VWF: variants seen among roughly 807,000 people sequenced by gnomAD.
VWF encodes Factor VIII related antigen.
Under a neutral mutation model 308.6 loss-of-function variants are expected in VWF, and 176 were observed. That is an observed-to-expected ratio of 0.57 (90% confidence interval 0.50 to 0.65). The LOEUF (loss-of-function observed/expected upper bound fraction) is 0.65. VWF is among the 30% of genes least tolerant of loss of function. VWF has a pLI of 0.00. For missense variants in VWF, 3,146 were observed against 3,648.2 expected (o/e 0.86, Z 3.55); for synonymous variants, 1,385 against 1,443.4 (o/e 0.96, Z 0.92).
At chr12:6,025,873 T>C (rs1775073360) in intron 23 of VWF, 33 bp downstream of exon 23, 4 of 1,613,762 alleles carry the variant, frequency 2.5e-6, no homozygotes, top group East Asian at 2.2e-5. Flanking sequence ...AAGCAAGCTC[T>C]AGGGCTCTGT....
At chr12:6,070,517 A>G (rs943939305) in intron 10 of VWF, among the ~76,000 whole-genome samples, 1 of 152,238 alleles carries the variant, frequency 6.6e-6, no homozygotes, top group Admixed American at 6.5e-5. Flanking sequence ...ACTTTGGGCA[A>G]GTCATTTAAC....
intron 6 of VWF, among the ~76,000 whole-genome samples, chr12:6,079,470 C>T (rs1323427212): frequency 1.3e-5 from 2 of 152,066 alleles, no homozygotes; most frequent in Non-Finnish European, 2.9e-5. Flanking sequence ...ATTAGCCGGG[C>T]ATGGTGGCGG....
chr12:6,109,648 T>A (rs549725949), intron 5 of VWF, among the ~76,000 whole-genome samples: 7 of 152,126 alleles, frequency 4.6e-5, no homozygotes, highest in Non-Finnish European at 1.0e-4. Flanking sequence ...ATATTCATCT[T>A]TAGTGTTTTC....
At chr12:6,057,480 T>TTTTTTATTATTA (rs1555198325) in intron 14 of VWF, among the ~76,000 whole-genome samples, 1 of 129,576 alleles carries the variant, frequency 7.7e-6, no homozygotes, top group South Asian at 2.6e-4. Flanking sequence ...GCCCGGCAAA[T>TTTTTTATTATTA]TTATTATTAT....
chr12:5,968,178 G>A lies in VWF; in HGVS notation c.7730-11C>T. 1 of 1,613,978 alleles carries A rather than the reference G, an allele frequency of 6.2e-7. No individual in the cohort carries two copies. Among genetic ancestry groups the A allele is most frequent in the Non-Finnish European group, 8.5e-7 (1 of 1,179,954 alleles). The stretch of plus-strand genomic sequence containing the variant: ...AGGCCTCCATGCGCTCTGGGGGAGA[G>A]AAAAGTGCAGAGTGAGAGTGGGCAA... On this transcript the variant is annotated splice_polypyrimidine_tract_variant and intron_variant, in intron 45 of 51. Transcript: ENST00000261405.
intron 6 of VWF, among the ~76,000 whole-genome samples, chr12:6,078,534 C>G (rs1318586820): frequency 6.6e-6 from 1 of 152,196 alleles, no homozygotes. Context: ...AGGCTATTGT[C>G]TAGCCTTTTC....
chr12:6,033,103 G>T (rs1431815943), intron 20 of VWF, among the ~76,000 whole-genome samples: 1 of 152,230 alleles, frequency 6.6e-6, no homozygotes, highest in Non-Finnish European at 1.5e-5. Flanking sequence ...TGACCTCTAA[G>T]ATTCCATTCA....
rs376943868 is a variant in VWF at position 6,018,619 on chromosome 12, G to A, written c.4799C>T (p.Ala1600Val). Residue 1600 changes from alanine to valine, a missense_variant, in exon 28 of 52, where the codon GCG becomes GTG. Physicochemically the swap from Ala to Val is moderately conservative, Grantham distance 64. Coordinates refer to ENST00000261405, the MANE Select transcript of VWF (RefSeq NM_000552.5). ...FLVSQGDREQ[A>V]PNLVYMVTGN... ...GGTGACCATGTAGACCAGGTTGGGC[G>A]CCTGCTCCCGGTCACCCTGGCTGAC... 14 of 1,613,952 alleles carry A rather than the reference G, an allele frequency of 8.7e-6. No individual in the cohort carries two copies. Among genetic ancestry groups the A allele is most frequent in the African/African-American group, 2.7e-5 (2 of 74,922 alleles).
intron 10 of VWF, 49 bp downstream of exon 10, chr12:6,071,248 C>T (rs754163390): frequency 1.2e-6 from 2 of 1,609,232 alleles, no homozygotes; most frequent in South Asian, 1.1e-5. Flanking sequence ...GGAGGAGACG[C>T]CTCCCCGATT....
In VWF at chr12:6,055,761, TACACACACACAC is replaced by T. The variant is rs35414262; in HGVS notation, c.1945+1084_1945+1095del. On this transcript the variant is annotated intron_variant, in intron 15 of 51. Transcript: ENST00000261405. ...TCTACTTTATATATATATATATGTA[TACACACACACAC>T]ACACACACACACACACACACACACA... 3.3e-4 allele frequency among the ~76,000 whole-genome samples: 45 copies of T among 135,346 alleles called. No homozygotes were observed. The East Asian group carries it at 4.9e-3, about 15-fold the overall frequency. The allele number at this position is 135,346 out of a possible 152,430, so 88.8% of individuals were successfully genotyped here.
intron 5 of VWF, among the ~76,000 whole-genome samples, chr12:6,106,158 G>A (rs1945241322): frequency 6.6e-6 from 1 of 152,162 alleles, no homozygotes; most frequent in African/African-American, 2.4e-5. Context: ...GTCTACTGAT[G>A]GATAAATGGA....
intron 34 of VWF, among the ~76,000 whole-genome samples, chr12:6,004,614 T>C (rs1475059582): frequency 1.3e-5 from 2 of 151,870 alleles, no homozygotes; most frequent in Admixed American, 6.6e-5. Flanking sequence ...CAAACCATCA[T>C]ACCCAGAAAA....
chr12:6,036,569 G>A (rs71582864), intron 18 of VWF, 78 bp from the exon 19 acceptor site: 49 of 1,377,074 alleles, frequency 3.6e-5, no homozygotes, highest in Admixed American at 5.4e-5. Flanking sequence ...TCCAGGAAGT[G>A]TTGTCTGAGA....
intron 42 of VWF, among the ~76,000 whole-genome samples, chr12:5,979,850 G>T (rs1180447005): frequency 1.3e-5 from 2 of 151,082 alleles, no homozygotes; most frequent in African/African-American, 4.9e-5. Flanking sequence ...GACCATCCTG[G>T]CTAACACAGT....
chr12:5,980,255 C>CGCAG (rs1565817319), intron 42 of VWF, among the ~76,000 whole-genome samples: 1 of 7,576 alleles, frequency 1.3e-4, no homozygotes, highest in East Asian at 2.4e-3. Flanking sequence ...AAGGAAGTGA[C>CGCAG]GTAGGGAGGG....
chr12:6,095,050 G>C (rs1945091422), intron 6 of VWF, among the ~76,000 whole-genome samples: 1 of 151,816 alleles, frequency 6.6e-6, no homozygotes, highest in African/African-American at 2.4e-5. Flanking sequence ...CACCCACCTT[G>C]GCCTCCCAAA....
At chr12:6,057,145 C>G (rs1944589166) in intron 14 of VWF, 73 bp from the exon 15 acceptor site, 4 of 1,383,142 alleles carry the variant, frequency 2.9e-6, no homozygotes, top group Non-Finnish European at 3.9e-6. Flanking sequence ...GTCAACACTC[C>G]CCTGGAAATA....
chr12:6,023,604 T>A lies in VWF; in HGVS notation c.3379+27A>T, dbSNP rs149314872. 7.8e-4 allele frequency: 1,265 copies of A among 1,613,326 alleles called. 8 individuals carry two copies. The highest frequency in any genetic ancestry group is 7.8e-3 in the Middle Eastern group (47 of 6,038). On this transcript the variant is annotated intron_variant, in intron 25 of 51. Coordinates refer to ENST00000261405, the MANE Select transcript of VWF (RefSeq NM_000552.5). ...ACACATGGGAAGAAGGGAGGGCATCTGAGAACATGAGGGCGTCAGTACTCA... is the reference window on the plus strand; with the variant it reads ...ACACATGGGAAGAAGGGAGGGCATCAGAGAACATGAGGGCGTCAGTACTCA...
At chr12:6,062,683 C>A (rs1268795134) in intron 13 of VWF, among the ~76,000 whole-genome samples, 2 of 152,162 alleles carry the variant, frequency 1.3e-5, no homozygotes, top group African/African-American at 4.8e-5. Flanking sequence ...AGCAAACCTG[C>A]TCCTTCCCCA....
Sources: gnomAD v4.1 joint callset for allele counts (sites outside exome capture counted in the v4.1 genomes callset) on GRCh38, gnomAD v4.1.1 for gene constraint, MANE v1.5 for transcripts, NCBI Gene and HGNC (gene_info 2026-07-23, HGNC 2026-07-21) for gene names.